SERPINB11: variants seen among roughly 807,000 people sequenced by gnomAD.
SERPINB11 encodes the protein serpin B11.
Under a neutral mutation model 36.7 loss-of-function variants are expected in SERPINB11, and 32 were observed. That is an observed-to-expected ratio of 0.87 (90% CI 0.66 to 1.17). SERPINB11 has a LOEUF of 1.17. Among genes scored for constraint, SERPINB11 ranks in the 50% most tolerant of loss-of-function variants. The pLI is 0.00. For synonymous variants in SERPINB11, 174 were observed against 168.1 expected, an observed-to-expected ratio of 1.04 and a Z score of -0.27; for missense variants, 528 against 458.4, an observed-to-expected ratio of 1.15 and a Z score of -1.39.
At position 63,723,303 on chromosome 18, in the gene SERPINB11, G is replaced by A. The variant is rs1184190314; in HGVS notation, c.1083G>A (p.Met361Ile). The change falls in exon 8 of 8, where the codon ATG becomes ATA. Residue 361 changes from methionine to isoleucine, a missense_variant. Met to Ile is a conservative substitution (Grantham distance 10). Transcript: ENST00000544088. Reference sequence around the variant, plus strand: ...GCATCGCTGTAAAAAGCCTACCAATGAGAGCTCAGTTCAAGGCGAACCACC... The same window carrying A: ...GCATCGCTGTAAAAAGCCTACCAATAAGAGCTCAGTTCAAGGCGAACCACC... The part of the protein sequence containing the change: ...GDSIAVKSLP[M>I]RAQFKANHPF... The A allele has an allele frequency of 8.1e-6, 13 of 1,613,842 alleles. No individual in the cohort carries two copies. The Admixed American group carries it at 1.5e-4, about 19-fold the overall frequency.
intron 1 of SERPINB11, 89 bp from the exon 2 acceptor site, chr18:63,710,090 C>G: frequency 9.1e-7 from 1 of 1,099,756 alleles, no homozygotes. Context: ...TGCCCTGATA[C>G]TTAAACTCAT....
At chr18:63,722,476 G>C (rs140661923) in intron 7 of SERPINB11, among the ~76,000 whole-genome samples, 7 of 152,172 alleles carry the variant, frequency 4.6e-5, no homozygotes, top group Non-Finnish European at 8.8e-5. Context: ...GACATGCTGG[G>C]CAGAGGCACA....
chr18:63,712,521 A>G, intron 3 of SERPINB11, 44 bp from the exon 4 acceptor site: 1 of 1,608,428 alleles, frequency 6.2e-7, no homozygotes, highest in Non-Finnish European at 8.5e-7. Context: ...AATGGCAAAA[A>G]TCAAGCAATT....
Position 63,723,225 on chromosome 18 carries a change from A to C in SERPINB11, c.1005A>C (p.Ser335=). The C allele has an allele frequency of 6.2e-7, 1 of 1,613,916 alleles. No homozygotes were observed. Among genetic ancestry groups the C allele is most frequent in the Middle Eastern group, 1.6e-4 (1 of 6,062 alleles). ...GLYLSKAIHK[S]YLDVSEEGTE... is the part of the protein sequence containing the mutation. ...ATTTATCAAAAGCCATCCACAAGTC[A>C]TACCTGGATGTCAGCGAAGAGGGCA... Residue 335 remains serine (S), a synonymous_variant, in exon 8 of 8, where the codon TCA becomes TCC. Transcript: ENST00000544088.
rs17071608 is a variant in SERPINB11 at position 63,723,015 on chromosome 18, G to A, written c.795G>A (p.Ser265=). Reference sequence around the variant, plus strand: ...CTTAGATAGAAAAGCAGCTGAATTCGGGGACGTTTCATGAGTGGACAAGCT... The same window carrying A: ...CTTAGATAGAAAAGCAGCTGAATTCAGGGACGTTTCATGAGTGGACAAGCT... ...NLKQIEKQLN[S]GTFHEWTSSS... The change falls in exon 8 of 8, where the codon TCG becomes TCA. Residue 265 remains serine (S), a synonymous_variant. Coordinates refer to ENST00000544088, the MANE Select transcript of SERPINB11 (RefSeq NM_001370475.1). The A allele has an allele frequency of 6.3e-3, 9,881 of 1,578,276 alleles. 553 individuals are homozygous for A. The African/African-American group carries it at 0.12, about 19-fold the overall frequency.
Position 63,712,656 on chromosome 18 carries a change from A to G in SERPINB11, c.320A>G (p.Asn107Ser). Reference sequence around the variant, plus strand: ...TCTAACTGTACCCTCAGCATTGCCAACAGGCTCTACGGGACAAAGACGATG... The same window carrying G: ...TCTAACTGTACCCTCAGCATTGCCAGCAGGCTCTACGGGACAAAGACGATG... Reference protein sequence around the residue: ...PDSNCTLSIANRLYGTKTMAF... With the variant: ...PDSNCTLSIASRLYGTKTMAF... The change falls in exon 4 of 8, where the codon AAC becomes AGC. Residue 107 changes from asparagine (N) to serine (S), a missense_variant. Coordinates refer to ENST00000544088, the MANE Select transcript of SERPINB11 (RefSeq NM_001370475.1). The G allele has an allele frequency of 6.2e-7, 1 of 1,613,868 alleles. No individual in the cohort carries two copies. Among genetic ancestry groups the G allele is most frequent in the Non-Finnish European group, 8.5e-7 (1 of 1,179,754 alleles).
chr18:63,711,407 T>C lies in SERPINB11; in HGVS notation c.228+13T>C. The C allele has an allele frequency of 6.4e-7, 1 of 1,565,446 alleles. No homozygotes were observed. The highest frequency in any genetic ancestry group is 8.8e-7 in the Non-Finnish European group (1 of 1,136,890). ...GGACTCACCTAAGGTATGATAATAT[T>C]ACTGAGTTGTCAAATGCTCTTTAAC... On this transcript the variant is annotated intron_variant, in intron 3 of 7. Coordinates refer to ENST00000544088, the MANE Select transcript of SERPINB11 (RefSeq NM_001370475.1).
At chr18:63,721,128 T>A (rs1598968892) in intron 7 of SERPINB11, 142 bp downstream of exon 7, 1 of 808,658 alleles carries the variant, frequency 1.2e-6, no homozygotes, top group East Asian at 2.7e-5. Flanking sequence ...CCCGGGGGTG[T>A]GAAAGTAGCA....
rs2144550982 is a variant in SERPINB11, at chr18:63,720,999, G to A, written c.774+13G>A. On this transcript the variant is annotated intron_variant, in intron 7 of 7. Transcript: ENST00000544088. ...TAATCTGAAACAGGTAAAATTATAA[G>A]AATGCTATAATGCAGTTAAAGCATG... 2 of 1,599,524 alleles carry A rather than the reference G, an allele frequency of 1.3e-6. No individual in the cohort carries two copies. The highest frequency in any genetic ancestry group is 1.7e-6 in the Non-Finnish European group (2 of 1,172,330).
In SERPINB11 at chr18:63,723,228, C is replaced by A. The variant is rs767540404; in HGVS notation, c.1008C>A (p.Tyr336Ter). ...LYLSKAIHKSYLDVSEEGTEA... is the reference protein window; with the variant it reads ...LYLSKAIHKS ...TATCAAAAGCCATCCACAAGTCATA[C>A]CTGGATGTCAGCGAAGAGGGCACGG... Residue 336 changes from tyrosine (Y) to a stop codon, truncating the protein, a stop_gained, in exon 8 of 8, where the codon TAC becomes TAA. Coordinates refer to ENST00000544088, the MANE Select transcript of SERPINB11 (RefSeq NM_001370475.1). LOFTEE classifies it high-confidence loss of function. 6.2e-7 allele frequency: 1 copy of A among 1,613,900 alleles called. No individual in the cohort carries two copies. Among genetic ancestry groups the A allele is most frequent in the East Asian group, 2.2e-5 (1 of 44,880 alleles).
At chr18:63,711,969 G>A (rs768388721) in intron 3 of SERPINB11, among the ~76,000 whole-genome samples, 10 of 152,122 alleles carry the variant, frequency 6.6e-5, no homozygotes, top group Non-Finnish European at 1.0e-4. Context: ...ACTACTAAAA[G>A]TTCAAAGTCC....
chr18:63,708,417 A>C (rs1914426937), intron 1 of SERPINB11, among the ~76,000 whole-genome samples: 1 of 152,264 alleles, frequency 6.6e-6, no homozygotes, highest in African/African-American at 2.4e-5. Flanking sequence ...GGGGAGCATG[A>C]GAAATGTGCA....
chr18:63,708,606 C>A (rs937407334), intron 1 of SERPINB11, among the ~76,000 whole-genome samples: 1 of 152,114 alleles, frequency 6.6e-6, no homozygotes, highest in Non-Finnish European at 1.5e-5. Flanking sequence ...GGGACACAGG[C>A]TGGAGAGAGG....
At chr18:63,707,708 T>C (rs1412323353) in intron 1 of SERPINB11, among the ~76,000 whole-genome samples, 1 of 152,250 alleles carries the variant, frequency 6.6e-6, no homozygotes, top group Non-Finnish European at 1.5e-5. Flanking sequence ...TATCACACAG[T>C]ACTTATTGGA....
At position 63,723,193 on chromosome 18, in the gene SERPINB11, G is replaced by A; in HGVS notation, c.973G>A (p.Gly325Ser). 4 of 1,613,522 alleles carry A rather than the reference G, an allele frequency of 2.5e-6. No individual in the cohort carries two copies. The highest frequency in any genetic ancestry group is 1.7e-5 in the Admixed American group (1 of 59,952). The part of the protein sequence containing the change: ...ADLSGMSPTK[G>S]LYLSKAIHKS... ...TCTTTCTGGAATGTCACCAACCAAG[G>A]GCCTATATTTATCAAAAGCCATCCA... The change falls in exon 8 of 8, where the codon GGC becomes AGC. Residue 325 changes from glycine to serine, a missense_variant. Coordinates refer to ENST00000544088, the MANE Select transcript of SERPINB11 (RefSeq NM_001370475.1).
In SERPINB11 at chr18:63,723,054, G is replaced by T; in HGVS notation, c.834G>T (p.Met278Ile). The change falls in exon 8 of 8, where the codon ATG (methionine) becomes ATT (isoleucine). Residue 278 changes from methionine to isoleucine, a missense_variant. Physicochemically the swap from Met to Ile is conservative, Grantham distance 10. Coordinates refer to ENST00000544088, the MANE Select transcript of SERPINB11 (RefSeq NM_001370475.1). The stretch of plus-strand genomic sequence containing the variant: ...AGTGGACAAGCTCTTCTAACATGAT[G>T]GAAAGAGAAGTTGAAGTACACCTCC... ...FHEWTSSSNMMEREVEVHLPR... is the reference protein window; with the variant it reads ...FHEWTSSSNMIEREVEVHLPR... 1 of 1,603,520 alleles carries T rather than the reference G, an allele frequency of 6.2e-7. No individual in the cohort carries two copies. Among genetic ancestry groups the T allele is most frequent in the Non-Finnish European group, 8.5e-7 (1 of 1,174,956 alleles).
chr18:63,703,334 T>C (rs1331825446), intron 1 of SERPINB11, among the ~76,000 whole-genome samples: 2 of 152,232 alleles, frequency 1.3e-5, no homozygotes, highest in Non-Finnish European at 2.9e-5. Flanking sequence ...GTGGCCTCTG[T>C]GTATTGACAC....
rs1750338250 is a variant in SERPINB11 at position 63,720,036 on chromosome 18, A to C, written c.499A>C (p.Lys167Gln). Reference sequence around the variant, plus strand: ...AGGAAAAGTCGCAAATCTCTTTGGAAAGAGCACAATTGACCCTTCATCTGT... The same window carrying C: ...AGGAAAAGTCGCAAATCTCTTTGGACAGAGCACAATTGACCCTTCATCTGT... ...TNGKVANLFG[K>Q]STIDPSSVMV... Residue 167 changes from lysine (K) to glutamine (Q), a missense_variant, in exon 6 of 8, where the codon AAG becomes CAG. By Grantham distance (53) the Lys-to-Gln change is moderately conservative (BLOSUM62 1). Transcript: ENST00000544088. 3.1e-6 allele frequency: 5 copies of C among 1,602,504 alleles called. No homozygotes were observed. In the South Asian group the frequency reaches 5.6e-5, roughly 18 times the overall value.
At chr18:63,704,284 T>C (rs542833716) in intron 1 of SERPINB11, among the ~76,000 whole-genome samples, 21 of 152,318 alleles carry the variant, frequency 1.4e-4, no homozygotes, top group African/African-American at 4.6e-4. Context: ...CCAAAATCTA[T>C]AAATCCATCC....
Sources: gnomAD v4.1 joint callset for allele counts (sites outside exome capture counted in the v4.1 genomes callset) on GRCh38, gnomAD v4.1.1 for gene constraint, MANE v1.5 for transcripts, NCBI Gene and HGNC (gene_info 2026-07-23, HGNC 2026-07-21) for gene names.